ROR2: variants seen among roughly 807,000 people sequenced by gnomAD.
ROR2 encodes the protein tyrosine-protein kinase transmembrane receptor ROR2.
Under a neutral mutation model 74.9 loss-of-function variants are expected in ROR2, and 33 were observed. The observed-to-expected ratio is 0.44, with a 90% CI of 0.33 to 0.59. The LOEUF (loss-of-function observed/expected upper bound fraction) is 0.59, where lower values mean the gene tolerates loss of function less well. ROR2 is among the 20% of genes least tolerant of loss of function. The pLI is 0.02. For synonymous variants in ROR2, 586 were observed against 558.7 expected, an observed-to-expected ratio of 1.05 and a Z score of -0.69; for missense variants, 1,216 against 1,313.8, an observed-to-expected ratio of 0.93 and a Z score of 1.15.
intron 1 of ROR2, among the ~76,000 whole-genome samples, chr9:91,800,442 A>G (rs1827337952): frequency 6.6e-6 from 1 of 152,122 alleles, no homozygotes; most frequent in African/African-American, 2.4e-5. Flanking sequence ...CTCTTAGCCA[A>G]CGATGGGAAC....
At chr9:91,921,036 C>T (rs1398339288) in intron 1 of ROR2, among the ~76,000 whole-genome samples, 1 of 152,216 alleles carries the variant, frequency 6.6e-6, no homozygotes, top group Non-Finnish European at 1.5e-5. Flanking sequence ...GACCTCCACC[C>T]GAGGGGGTGA....
chr9:91,900,416 G>A (rs1303456930), intron 1 of ROR2, among the ~76,000 whole-genome samples: 2 of 152,272 alleles, frequency 1.3e-5, no homozygotes, highest in Non-Finnish European at 2.9e-5. Context: ...CCCACGCAGG[G>A]AACGGTGGCG....
At chr9:91,892,118 T>C (rs1370280536) in intron 1 of ROR2, among the ~76,000 whole-genome samples, 5 of 151,002 alleles carry the variant, frequency 3.3e-5, no homozygotes, top group African/African-American at 1.2e-4. Flanking sequence ...AATCTTTGAC[T>C]TCCTGTCCCA....
At chr9:91,815,301 A>G (rs1827890409) in intron 1 of ROR2, among the ~76,000 whole-genome samples, 1 of 152,206 alleles carries the variant, frequency 6.6e-6, no homozygotes, top group South Asian at 2.1e-4. Flanking sequence ...TGTGTATAAA[A>G]TGATTTTTCT....
At chr9:91,924,891 C>A (rs776800740) in intron 1 of ROR2, among the ~76,000 whole-genome samples, 1 of 152,296 alleles carries the variant, frequency 6.6e-6, no homozygotes, top group African/African-American at 2.4e-5. Context: ...GTCATACATG[C>A]TGGAGTGCAG....
At chr9:91,925,120 T>G (rs936836091) in intron 1 of ROR2, among the ~76,000 whole-genome samples, 17 of 152,140 alleles carry the variant, frequency 1.1e-4, no homozygotes, top group African/African-American at 4.1e-4. Context: ...CCCAAAGTGC[T>G]GAGATTACAG....
chr9:91,933,905 A>G (rs974868772), intron 1 of ROR2, among the ~76,000 whole-genome samples: 4 of 152,228 alleles, frequency 2.6e-5, no homozygotes, highest in African/African-American at 9.6e-5. Context: ...GGTGATGAAA[A>G]TGAACTGGAT....
chr9:91,910,901 T>A (rs1466961048), intron 1 of ROR2, among the ~76,000 whole-genome samples: 1 of 152,334 alleles, frequency 6.6e-6, no homozygotes, highest in South Asian at 2.1e-4. Flanking sequence ...TGACCTCATA[T>A]GATCTGCCCT....
At chr9:91,808,874 G>A (rs972863841) in intron 1 of ROR2, among the ~76,000 whole-genome samples, 44 of 151,090 alleles carry the variant, frequency 2.9e-4, no homozygotes, top group African/African-American at 2.7e-4. Flanking sequence ...GTGGTGGCAC[G>A]TGCCTGTAGT....
At chr9:91,876,559 G>A (rs1369153329) in intron 1 of ROR2, among the ~76,000 whole-genome samples, 1 of 152,112 alleles carries the variant, frequency 6.6e-6, no homozygotes, top group Non-Finnish European at 1.5e-5. Flanking sequence ...CCAGACATCT[G>A]CAGAAAGCTC....
intron 1 of ROR2, among the ~76,000 whole-genome samples, chr9:91,824,031 G>T (rs149883643): frequency 6.6e-6 from 1 of 152,202 alleles, no homozygotes; most frequent in African/African-American, 2.4e-5. Flanking sequence ...TTTTCACAAT[G>T]AGCTGGTGCT....
chr9:91,937,918 AT>A (rs1831745245), intron 1 of ROR2, among the ~76,000 whole-genome samples: 2 of 152,050 alleles, frequency 1.3e-5, no homozygotes, highest in Non-Finnish European at 2.9e-5. Flanking sequence ...GGGTCTTGCT[AT>A]GTTGCCCAGG....
chr9:91,938,554 G>A (rs927571736), intron 1 of ROR2, among the ~76,000 whole-genome samples: 3 of 152,038 alleles, frequency 2.0e-5, no homozygotes, highest in Non-Finnish European at 4.4e-5. Flanking sequence ...CCCAGGAGGT[G>A]GAGGCTACAG....
chr9:91,773,923 CTCAGAATTTTA>C (rs1265266862), intron 2 of ROR2, among the ~76,000 whole-genome samples: 1 of 152,180 alleles, frequency 6.6e-6, no homozygotes, highest in Non-Finnish European at 1.5e-5. Context: ...TTGGCCACAA[CTCAGAATTTTA>C]TCATGACCTG....
intron 1 of ROR2, among the ~76,000 whole-genome samples, chr9:91,893,091 C>CCACT (rs1419619545): frequency 6.6e-6 from 1 of 152,158 alleles, no homozygotes; most frequent in African/African-American, 2.4e-5. Context: ...GACCCCAAGG[C>CCACT]CACTCTTCCC....
chr9:91,904,042 G>GTTT (rs551800062), intron 1 of ROR2, among the ~76,000 whole-genome samples: 9 of 126,618 alleles, frequency 7.1e-5, no homozygotes, highest in Admixed American at 2.8e-4. Context: ...TTTTGTTTTT[G>GTTT]TTTTTTTTTG....
At chr9:91,732,938 C>T (rs555932316) in intron 6 of ROR2, among the ~76,000 whole-genome samples, 184 bp downstream of exon 6, 6 of 152,246 alleles carry the variant, frequency 3.9e-5, no homozygotes, top group Non-Finnish European at 7.3e-5. Context: ...GCCCCTGATC[C>T]GAGGCCCCGC....
intron 1 of ROR2, among the ~76,000 whole-genome samples, chr9:91,916,920 T>C (rs1044756215): frequency 6.6e-6 from 1 of 152,128 alleles, no homozygotes; most frequent in Non-Finnish European, 1.5e-5. Flanking sequence ...TGGTCGAGGT[T>C]GTCCCATGCT....
chr9:91,873,623 CAA>C (rs1564012618), intron 1 of ROR2, among the ~76,000 whole-genome samples: 1 of 152,136 alleles, frequency 6.6e-6, no homozygotes, highest in African/African-American at 2.4e-5. Context: ...CCAATGGGAA[CAA>C]AAAGTGTCAC....
Sources: allele counts gnomAD v4.1 joint callset (sites outside exome capture counted in the v4.1 genomes callset), GRCh38; gene constraint gnomAD v4.1.1; transcripts MANE v1.5; gene names NCBI Gene and HGNC (gene_info 2026-07-23, HGNC 2026-07-21).